Variants in TENT2 observed in about 807,000 individuals in gnomAD.
TENT2 encodes the protein terminal nucleotidyltransferase 2.
A neutral mutation model predicts 72.2 loss-of-function variants in TENT2; 44 were observed. The observed-to-expected ratio is 0.61, with a 90% CI of 0.48 to 0.78. TENT2 has a LOEUF of 0.78. TENT2 is among the 30% of genes least tolerant of loss of function. The pLI is 0.00. For synonymous variants in TENT2, 212 were observed against 192.5 expected, an observed-to-expected ratio of 1.10 and a Z score of -0.84; for missense variants, 541 against 569.6, an observed-to-expected ratio of 0.95 and a Z score of 0.51.
At chr5:79,662,385 A>G (rs1803711823) in intron 11 of TENT2, among the ~76,000 whole-genome samples, 1 of 152,168 alleles carries the variant, frequency 6.6e-6, no homozygotes, top group African/African-American at 2.4e-5. Flanking sequence ...ATCTAGAATG[A>G]TGACTCCTTT....
At chr5:79,636,571 C>T (rs1336964471) in intron 4 of TENT2, among the ~76,000 whole-genome samples, 1 of 152,154 alleles carries the variant, frequency 6.6e-6, no homozygotes, top group Non-Finnish European at 1.5e-5. Flanking sequence ...TAAAATTCTT[C>T]TGTCAGTTTC....
At chr5:79,633,947 A>T in intron 4 of TENT2, among the ~76,000 whole-genome samples, 1 of 146,672 alleles carries the variant, frequency 6.8e-6, no homozygotes, top group Non-Finnish European at 1.5e-5. Context: ...AGGTCAGGAG[A>T]TCGAGACCAT....
At chr5:79,616,111 T>G (rs1234862654) in intron 1 of TENT2, among the ~76,000 whole-genome samples, 1 of 151,620 alleles carries the variant, frequency 6.6e-6, no homozygotes, top group Non-Finnish European at 1.5e-5. Context: ...GGTCTCGAAC[T>G]CCTGACCTCA....
intron 10 of TENT2, among the ~76,000 whole-genome samples, chr5:79,652,841 A>G (rs1051387768): frequency 7.6e-4 from 116 of 152,130 alleles, no homozygotes; most frequent in African/African-American, 2.7e-3. Context: ...ATATTACTTT[A>G]TAATATATGT....
At chr5:79,632,976 C>A (rs772426077) in intron 4 of TENT2, among the ~76,000 whole-genome samples, 2 of 152,158 alleles carry the variant, frequency 1.3e-5, no homozygotes, top group Non-Finnish European at 2.9e-5. Context: ...ATCCAAACTG[C>A]CTTCTCAACC....
chr5:79,668,864 C>T (rs374323808), intron 11 of TENT2, 28 bp from the exon 12 acceptor site: 86 of 1,592,104 alleles, frequency 5.4e-5, no homozygotes, highest in Middle Eastern at 1.7e-4. Context: ...AATGGCTTTA[C>T]ATTTTTTCCC....
intron 7 of TENT2, 37 bp downstream of exon 7, chr5:79,642,947 A>T (rs1353545493): frequency 3.1e-6 from 5 of 1,597,550 alleles, no homozygotes. Flanking sequence ...ATGTCACCTG[A>T]CGTAACTTTA....
At chr5:79,653,425 T>A (rs748994687) in intron 10 of TENT2, among the ~76,000 whole-genome samples, 9 of 152,132 alleles carry the variant, frequency 5.9e-5, no homozygotes, top group Non-Finnish European at 1.2e-4. Flanking sequence ...CCCAGGAGTT[T>A]GAGGTTGCAG....
chr5:79,616,906 G>C (rs1180986463), intron 1 of TENT2, among the ~76,000 whole-genome samples: 1 of 152,114 alleles, frequency 6.6e-6, no homozygotes, highest in Non-Finnish European at 1.5e-5. Context: ...CTGGACTGGT[G>C]AGCCTTGTTA....
At chr5:79,637,914 C>T (rs1352889527) in intron 4 of TENT2, among the ~76,000 whole-genome samples, 1 of 151,404 alleles carries the variant, frequency 6.6e-6, no homozygotes, top group African/African-American at 2.4e-5. Context: ...TCTCTTGCCT[C>T]AGCCTCCCAA....
At chr5:79,670,215 A>G (rs1337203475) in intron 12 of TENT2, among the ~76,000 whole-genome samples, 5 of 150,804 alleles carry the variant, frequency 3.3e-5, no homozygotes, top group African/African-American at 9.8e-5. Flanking sequence ...GCGAAACTCT[A>G]TCTCAAAAAA....
intron 4 of TENT2, among the ~76,000 whole-genome samples, chr5:79,627,407 T>C (rs1005990088): frequency 6.6e-6 from 1 of 152,218 alleles, no homozygotes; most frequent in African/African-American, 2.4e-5. Context: ...AAATTAGTTA[T>C]GTAGAAAGAG....
chr5:79,619,690 A>G lies in TENT2; in HGVS notation c.42A>G (p.Pro14=). 4.3e-6 allele frequency: 7 copies of G among 1,613,910 alleles called. No individual in the cohort carries two copies. The highest frequency in any genetic ancestry group is 5.1e-6 in the Non-Finnish European group (6 of 1,179,870). ...TTTTGGGTCGCCCACCCTTCACTCCAAATCATCAACAACATAATAACTTCT... is the reference window on the plus strand; with the variant it reads ...TTTTGGGTCGCCCACCCTTCACTCCGAATCATCAACAACATAATAACTTCT... The part of the protein sequence containing the change: ...NSILGRPPFT[P]NHQQHNNFFT... Residue 14 remains proline, a synonymous_variant, in exon 2 of 15, where the codon CCA becomes CCG. Transcript: ENST00000453514.
intron 3 of TENT2, among the ~76,000 whole-genome samples, chr5:79,621,791 A>G (rs1765205815): frequency 1.3e-5 from 2 of 151,362 alleles, no homozygotes; most frequent in African/African-American, 4.9e-5. Context: ...ACAAAACTCC[A>G]TTAATTTGTA....
At chr5:79,645,932 G>A (rs1788583716) in intron 8 of TENT2, among the ~76,000 whole-genome samples, 1 of 152,082 alleles carries the variant, frequency 6.6e-6, no homozygotes, top group Admixed American at 6.5e-5. Flanking sequence ...ATTTGTAACT[G>A]CCTACATGAA....
intron 12 of TENT2, among the ~76,000 whole-genome samples, chr5:79,676,473 T>A (rs1291093340): frequency 6.6e-6 from 1 of 152,000 alleles, no homozygotes; most frequent in African/African-American, 2.4e-5. Flanking sequence ...TAATCCCAGC[T>A]ACTCGGGATG....
At chr5:79,658,031 T>C (rs918253556) in intron 11 of TENT2, among the ~76,000 whole-genome samples, 1 of 152,232 alleles carries the variant, frequency 6.6e-6, no homozygotes, top group Non-Finnish European at 1.5e-5. Flanking sequence ...GTTTTGAACA[T>C]AAGTTATTAT....
In TENT2 at chr5:79,619,694, C is replaced by G. The variant is rs375913383; in HGVS notation, c.46C>G (p.His16Asp). ...ILGRPPFTPN[H>D]QQHNNFFTLS... is the part of the protein sequence containing the mutation. ...GGGTCGCCCACCCTTCACTCCAAATCATCAACAACATAATAACTTCTTTAC... is the reference window on the plus strand; with the variant it reads ...GGGTCGCCCACCCTTCACTCCAAATGATCAACAACATAATAACTTCTTTAC... The change falls in exon 2 of 15, where the codon CAT (histidine) becomes GAT (aspartate). Residue 16 changes from histidine (H) to aspartate (D), a missense_variant. Coordinates refer to ENST00000453514, the MANE Select transcript of TENT2 (RefSeq NM_001114394.3). The G allele has an allele frequency of 2.5e-6, 4 of 1,613,722 alleles. No individual in the cohort carries two copies. Among genetic ancestry groups the G allele is most frequent in the Non-Finnish European group, 3.4e-6 (4 of 1,179,820 alleles).
At chr5:79,632,388 A>C (rs1776324064) in intron 4 of TENT2, among the ~76,000 whole-genome samples, 1 of 152,122 alleles carries the variant, frequency 6.6e-6, no homozygotes, top group Admixed American at 6.5e-5. Context: ...AATCTGAGTT[A>C]TTCCTGAATT....
Sources: allele counts gnomAD v4.1 joint callset (sites outside exome capture counted in the v4.1 genomes callset), GRCh38; gene constraint gnomAD v4.1.1; transcripts MANE v1.5; gene names NCBI Gene and HGNC (gene_info 2026-07-23, HGNC 2026-07-21).